Variants in IGFN1 observed in about 807,000 individuals in gnomAD.
IGFN1 encodes immunoglobulin like and fibronectin type III domain containing 1, also known as immunoglobulin-like and fibronectin type III domain-containing protein 1.
A neutral mutation model predicts 289.5 loss-of-function variants in IGFN1; 253 were observed. The observed-to-expected ratio is 0.87, with a 90% confidence interval of 0.79 to 0.97. IGFN1 has a LOEUF of 0.97. Among genes scored for constraint, IGFN1 ranks in the 50% least tolerant of loss-of-function variants. The pLI is 0.00. For missense variants in IGFN1, 4,470 were observed against 4,686.1 expected (o/e 0.95, Z 1.35); for synonymous variants, 1,706 against 1,788.5 (o/e 0.95, Z 1.16).
At chr1:201,220,772 T>G (rs1057285392) in intron 18 of IGFN1, among the ~76,000 whole-genome samples, 1 of 152,238 alleles carries the variant, frequency 6.6e-6, no homozygotes, top group Admixed American at 6.5e-5. Context: ...TCATTGCATA[T>G]GTAGAAACAC....
At chr1:201,219,096 C>T (rs1185628543) in intron 18 of IGFN1, among the ~76,000 whole-genome samples, 1 of 151,330 alleles carries the variant, frequency 6.6e-6, no homozygotes, top group Non-Finnish European at 1.5e-5. Flanking sequence ...TTCAAGATCA[C>T]TTCACTCACT....
At chr1:201,198,410 A>G (rs1667004837) in intron 5 of IGFN1, among the ~76,000 whole-genome samples, 1 of 152,166 alleles carries the variant, frequency 6.6e-6, no homozygotes, top group Non-Finnish European at 1.5e-5. Flanking sequence ...TGCTGGGATT[A>G]CAGGCATGAG....
chr1:201,205,139 A>G lies in IGFN1; in HGVS notation c.974A>G (p.Asp325Gly). ...LAETHCEEQGDAVFECTLSSP... is the reference protein window; with the variant it reads ...LAETHCEEQGGAVFECTLSSP... ...GAGACCCACTGTGAGGAGCAGGGTG[A>G]CGCAGTCTTTGAATGTACCCTCTCC... Residue 325 changes from aspartate to glycine, a missense_variant, in exon 11 of 24, where the codon GAC (aspartate) becomes GGC (glycine). By Grantham distance (94) the Asp-to-Gly change is moderately conservative. Transcript: ENST00000335211. The G allele has an allele frequency of 1.3e-6, 2 of 1,550,914 alleles. No individual in the cohort carries two copies. The highest frequency in any genetic ancestry group is 2.0e-5 in the Admixed American group (1 of 51,002).
Position 201,206,186 on chromosome 1 carries a change from G to A in IGFN1, c.1293G>A (p.Gln431=), listed in dbSNP as rs1467213614. 1 of 1,550,240 alleles carries A rather than the reference G, an allele frequency of 6.5e-7. No individual in the cohort carries two copies. The highest frequency in any genetic ancestry group is 8.7e-7 in the Non-Finnish European group (1 of 1,146,842). Reference sequence around the variant, plus strand: ...AAGAGTCTGGGAGCATCGAGAGCCAGGGAGAGAAATCCAGAGAGCAGGGCC... The same window carrying A: ...AAGAGTCTGGGAGCATCGAGAGCCAAGGAGAGAAATCCAGAGAGCAGGGCC... ...GAEESGSIES[Q]GEKSREQGPR... The change falls in exon 12 of 24, where the codon CAG becomes CAA. Residue 431 remains glutamine (Q), a synonymous_variant. Transcript: ENST00000335211.
At position 201,201,852 on chromosome 1, in the gene IGFN1, G is replaced by C; in HGVS notation, c.747+20G>C. 9.8e-7 allele frequency: 1 copy of C among 1,017,224 alleles called. No individual in the cohort carries two copies. Among genetic ancestry groups the C allele is most frequent in the East Asian group, 2.6e-5 (1 of 38,212 alleles). The allele number at this position is 1,017,224 out of a possible 1,614,324, so 63.0% of individuals were successfully genotyped here. On this transcript the variant is annotated intron_variant, in intron 9 of 23. Transcript: ENST00000335211. ...TATAAGGTGAGGCTGGAGGGGCTAT[G>C]GGTGGGGGGGATCTGGCAGGGATGC...
At chr1:201,222,447 C>T (rs542808470) in intron 19 of IGFN1, 1 of 324,744 alleles carries the variant, frequency 3.1e-6, no homozygotes. Flanking sequence ...AAGCGCTCTG[C>T]CACATGTCTG....
At chr1:201,217,240 G>A in intron 16 of IGFN1, 47 bp from the exon 17 acceptor site, 1 of 1,580,278 alleles carries the variant, frequency 6.3e-7, no homozygotes, top group Non-Finnish European at 8.7e-7. Context: ...CCATGAGCCG[G>A]CACCTTTCCC....
chr1:201,226,038 C>T lies in IGFN1; in HGVS notation c.10701C>T (p.Tyr3567=). 1 of 1,592,032 alleles carries T rather than the reference C, an allele frequency of 6.3e-7. No individual in the cohort carries two copies. Among genetic ancestry groups the T allele is most frequent in the Non-Finnish European group, 8.6e-7 (1 of 1,166,384 alleles). Residue 3567 remains tyrosine (Y), a synonymous_variant, in exon 22 of 24, where the codon TAC becomes TAT. Transcript: ENST00000335211. ...TLLGILPGHE[Y]HFRVVAKNEL... Reference sequence around the variant, plus strand: ...TGGGCATCCTCCCCGGCCACGAATACCACTTCAGGGTGGTGGCCAAGAATG... The same window carrying T: ...TGGGCATCCTCCCCGGCCACGAATATCACTTCAGGGTGGTGGCCAAGAATG...
Position 201,209,065 on chromosome 1 carries a change from G to A in IGFN1, c.4172G>A (p.Gly1391Asp). The A allele has an allele frequency of 6.5e-7, 1 of 1,536,750 alleles. No homozygotes were observed. Among genetic ancestry groups the A allele is most frequent in the Non-Finnish European group, 8.7e-7 (1 of 1,146,802 alleles). ...GGGGTTCCTGAGGGAATGGGTGCAG[G>A]TTACAGGGCTGGTTTAAGGGGTCCT... ...DLGVPEGMGA[G>D]YRAGLRGPGE... The change falls in exon 12 of 24, where the codon GGT becomes GAT. Residue 1391 changes from glycine (G) to aspartate (D), a missense_variant. This residue lies in a region of IGFN1 where 2,011 missense variants were observed against 1,953.4 expected (regional missense o/e 1.03). Coordinates refer to ENST00000335211, the MANE Select transcript of IGFN1 (RefSeq NM_001164586.2).
Position 201,207,357 on chromosome 1 carries a change from G to A in IGFN1, c.2464G>A (p.Gly822Ser), listed in dbSNP as rs1045074775. The A allele has an allele frequency of 6.5e-7, 1 of 1,537,038 alleles. No individual in the cohort carries two copies. The highest frequency in any genetic ancestry group is 2.4e-5 in the East Asian group (1 of 40,924). Residue 822 changes from glycine (G) to serine (S), a missense_variant, in exon 12 of 24, where the codon GGT becomes AGT. Transcript: ENST00000335211. ...SFQSSQGWTA[G>S]HRAAGGIGRI... is the part of the protein sequence containing the mutation. Reference sequence around the variant, plus strand: ...CCAGTCTTCCCAGGGCTGGACAGCAGGTCACAGAGCAGCAGGGGGTATTGG... The same window carrying A: ...CCAGTCTTCCCAGGGCTGGACAGCAAGTCACAGAGCAGCAGGGGGTATTGG...
At chr1:201,193,324 TC>T (rs1471089197) in intron 2 of IGFN1, 24 bp downstream of exon 2, 9 of 1,526,044 alleles carry the variant, frequency 5.9e-6, no homozygotes, top group Non-Finnish European at 8.9e-7. Flanking sequence ...TAATCTCCCC[TC>T]CCCAGCCCTC....
intron 2 of IGFN1, among the ~76,000 whole-genome samples, chr1:201,193,912 G>A (rs1666769639): frequency 6.6e-6 from 1 of 152,080 alleles, no homozygotes; most frequent in Non-Finnish European, 1.5e-5. Context: ...TTCCTAGGGT[G>A]CCCCACCCAC....
Position 201,209,534 on chromosome 1 carries a change from T to A in IGFN1, c.4641T>A (p.Gly1547=), listed in dbSNP as rs909826041. The part of the protein sequence containing the change: ...SEAIGSGSKA[G]FTDGLGGSEE... ...CAATAGGTTCAGGGAGTAAGGCAGG[T>A]TTTACGGATGGTTTAGGAGGTTCTG... Residue 1547 remains glycine (G), a synonymous_variant, in exon 12 of 24, where the codon GGT becomes GGA. Coordinates refer to ENST00000335211, the MANE Select transcript of IGFN1 (RefSeq NM_001164586.2). 1 of 1,526,262 alleles carries A rather than the reference T, an allele frequency of 6.6e-7. No individual in the cohort carries two copies. The allele number at this position is 1,526,262 out of a possible 1,614,324, so 94.5% of individuals were successfully genotyped here. A position where few individuals can be genotyped will look rare whatever the true frequency, so the allele number is the denominator to read the frequency against.
At chr1:201,197,895 G>A (rs1272291420) in intron 5 of IGFN1, among the ~76,000 whole-genome samples, 2 of 152,206 alleles carry the variant, frequency 1.3e-5, no homozygotes, top group East Asian at 1.9e-4. Context: ...AGCAGCCTAA[G>A]AAATAACGAT....
intron 18 of IGFN1, among the ~76,000 whole-genome samples, chr1:201,219,322 G>A (rs12744780): frequency 0.14 from 21,791 of 152,264 alleles, 2,018 homozygotes; most frequent in East Asian, 0.25. Flanking sequence ...CTCTGCCCTT[G>A]AGAAACTTAT....
rs768589304 is a variant in IGFN1, at chr1:201,226,026, C to T, written c.10689C>T (p.Pro3563=). ...GCTTCACCCTCCTGGGCATCCTCCC[C>T]GGCCACGAATACCACTTCAGGGTGG... ...TNRFTLLGIL[P]GHEYHFRVVA... Residue 3563 remains proline, a synonymous_variant, in exon 22 of 24, where the codon CCC becomes CCT. Coordinates refer to ENST00000335211, the MANE Select transcript of IGFN1 (RefSeq NM_001164586.2). 7.1e-5 allele frequency: 113 copies of T among 1,584,590 alleles called. 1 individual carries two copies. Among genetic ancestry groups the T allele is most frequent in the South Asian group, 6.0e-4 (52 of 87,004 alleles).
intron 5 of IGFN1, among the ~76,000 whole-genome samples, chr1:201,197,838 T>C (rs998086682): frequency 6.6e-6 from 1 of 152,232 alleles, no homozygotes. Flanking sequence ...CGCCATTGGT[T>C]ATGCTTACAA....
Position 201,203,811 on chromosome 1 carries a change from A to C in IGFN1, c.821A>C (p.Glu274Ala). Residue 274 changes from glutamate (E) to alanine (A), a missense_variant, in exon 10 of 24, where the codon GAG becomes GCG. Glu to Ala is a moderately radical substitution (Grantham distance 107, BLOSUM62 -1). Coordinates refer to ENST00000335211, the MANE Select transcript of IGFN1 (RefSeq NM_001164586.2). ...HCLRRLGKRY[E>A]FQIQDLRPED... ...CTGCGCCGGCTGGGGAAGCGCTATG[A>C]GTTCCAGATTCAAGACCTGAGGCCT... is the stretch of plus-strand genomic sequence containing the variant. 6.4e-7 allele frequency: 1 copy of C among 1,551,714 alleles called. No individual in the cohort carries two copies. The highest frequency in any genetic ancestry group is 8.7e-7 in the Non-Finnish European group (1 of 1,146,994).
At position 201,195,857 on chromosome 1, in the gene IGFN1, G is replaced by C; in HGVS notation, c.146G>C (p.Arg49Pro). ...GCTGCAGGGAAAAATGCTGTCTTTC[G>C]GGCTGTGGTCTGTGGGGAGCCCAGG... is the stretch of plus-strand genomic sequence containing the variant. ...ALPEGKNAVF[R>P]AVVCGEPRPE... The change falls in exon 4 of 24, where the codon CGG (arginine) becomes CCG (proline). Residue 49 changes from arginine to proline, a missense_variant. Arg to Pro is a moderately radical substitution (Grantham distance 103, BLOSUM62 -2). Coordinates refer to ENST00000335211, the MANE Select transcript of IGFN1 (RefSeq NM_001164586.2). 1 of 1,551,372 alleles carries C rather than the reference G, an allele frequency of 6.4e-7. No homozygotes were observed. Among genetic ancestry groups the C allele is most frequent in the Non-Finnish European group, 8.7e-7 (1 of 1,146,830 alleles).
Sources: gnomAD v4.1 joint callset for allele counts (sites outside exome capture counted in the v4.1 genomes callset) on GRCh38, gnomAD v4.1.1 for gene constraint, gnomAD v4.1.1 regional missense constraint, MANE v1.5 for transcripts, NCBI Gene and HGNC (gene_info 2026-07-23, HGNC 2026-07-21) for gene names.